The following FARS2 variants were observed in gnomAD, a reference collection of about 807,000 sequenced individuals.
FARS2 encodes the protein phenylalanyl-tRNA synthetase 2, mitochondrial.
A neutral mutation model predicts 46.4 loss-of-function variants in FARS2; 40 were observed. That is an observed-to-expected ratio of 0.86 (90% CI 0.67 to 1.12). The LOEUF (loss-of-function observed/expected upper bound fraction) is 1.12, where lower values mean the gene tolerates loss of function less well. Ranked by LOEUF, FARS2 falls within the 50% of genes most tolerant of loss-of-function variation. The pLI, the probability that FARS2 is intolerant of heterozygous loss-of-function variation, is 0.00. For missense variants in FARS2, 513 were observed against 567.9 expected (o/e 0.90, Z 0.98); for synonymous variants, 234 against 214.9 (o/e 1.09, Z -0.78).
chr6:5,477,299 G>A (rs1766180483), intron 4 of FARS2, among the ~76,000 whole-genome samples: 1 of 152,204 alleles, frequency 6.6e-6, no homozygotes, highest in Admixed American at 6.5e-5. Context: ...TTTCTGAGCA[G>A]TGTCTCAGCT....
At chr6:5,670,589 A>G (rs1023924236) in intron 6 of FARS2, among the ~76,000 whole-genome samples, 5 of 152,216 alleles carry the variant, frequency 3.3e-5, no homozygotes, top group African/African-American at 4.8e-5. Context: ...TTTATAAGGA[A>G]TGGCATTTTG....
intron 1 of FARS2, among the ~76,000 whole-genome samples, chr6:5,279,057 G>A (rs1305608882): frequency 6.6e-6 from 1 of 152,102 alleles, no homozygotes; most frequent in African/African-American, 2.4e-5. Context: ...GGTGTGCTGT[G>A]ATGAACACAG....
intron 5 of FARS2, among the ~76,000 whole-genome samples, chr6:5,606,265 G>A (rs1774828426): frequency 6.6e-6 from 1 of 151,948 alleles, no homozygotes; most frequent in Admixed American, 6.6e-5. Flanking sequence ...TGGGGATAAA[G>A]CTACACCGCT....
chr6:5,342,110 A>G (rs920937084), intron 1 of FARS2, among the ~76,000 whole-genome samples: 2 of 152,206 alleles, frequency 1.3e-5, no homozygotes, highest in Non-Finnish European at 2.9e-5. Flanking sequence ...TAAAGTTTAT[A>G]ATGCTAGCTA....
chr6:5,287,548 C>G (rs1767210529), intron 1 of FARS2, among the ~76,000 whole-genome samples: 1 of 152,188 alleles, frequency 6.6e-6, no homozygotes, highest in African/African-American at 2.4e-5. Flanking sequence ...TGGTGCGAGC[C>G]CAATGAGGGG....
At chr6:5,574,091 C>T (rs939838929) in intron 5 of FARS2, among the ~76,000 whole-genome samples, 2 of 152,164 alleles carry the variant, frequency 1.3e-5, no homozygotes, top group Non-Finnish European at 2.9e-5. Context: ...ATTGCATGTG[C>T]TTCTCAACTA....
chr6:5,485,826 T>G (rs978686772), intron 4 of FARS2, among the ~76,000 whole-genome samples: 3 of 152,200 alleles, frequency 2.0e-5, no homozygotes, highest in African/African-American at 7.2e-5. Flanking sequence ...TGAATTAGAA[T>G]TCGGTACCAC....
chr6:5,330,259 T>G (rs547289734), intron 1 of FARS2, among the ~76,000 whole-genome samples: 1 of 152,360 alleles, frequency 6.6e-6, no homozygotes, highest in Non-Finnish European at 1.5e-5. Flanking sequence ...TATTATTATA[T>G]CAGAGTGTAG....
At chr6:5,674,431 A>G (rs1778650716) in intron 6 of FARS2, among the ~76,000 whole-genome samples, 1 of 152,162 alleles carries the variant, frequency 6.6e-6, no homozygotes, top group African/African-American at 2.4e-5. Flanking sequence ...GGTCAGATGT[A>G]GGTTCCAGCT....
intron 5 of FARS2, among the ~76,000 whole-genome samples, chr6:5,599,757 C>T (rs1774404128): frequency 6.6e-6 from 1 of 152,176 alleles, no homozygotes; most frequent in South Asian, 2.1e-4. Context: ...TATAAAATAC[C>T]TGGCCAGATG....
At chr6:5,315,761 T>TCTTTCTTTCTTTCTTCCTTTC (rs1561952069) in intron 1 of FARS2, among the ~76,000 whole-genome samples, 1 of 132,708 alleles carries the variant, frequency 7.5e-6, no homozygotes, top group Admixed American at 7.3e-5. Flanking sequence ...TTTCTTTCTT[T>TCTTTCTTTCTTTCTTCCTTTC]TTTTTGGGGA....
intron 1 of FARS2, among the ~76,000 whole-genome samples, chr6:5,273,053 C>T (rs1766075280): frequency 1.3e-5 from 2 of 152,164 alleles, no homozygotes; most frequent in Admixed American, 6.5e-5. Context: ...GTCCTTTCAT[C>T]CCTTGATGTA....
intron 2 of FARS2, among the ~76,000 whole-genome samples, chr6:5,383,025 G>A (rs1021804226): frequency 1.4e-4 from 22 of 152,202 alleles, no homozygotes; most frequent in African/African-American, 5.1e-4. Flanking sequence ...GCCTGTTCAA[G>A]TATTAATCTA....
chr6:5,532,874 A>G (rs1165172508), intron 4 of FARS2, among the ~76,000 whole-genome samples: 1 of 152,234 alleles, frequency 6.6e-6, no homozygotes, highest in Non-Finnish European at 1.5e-5. Context: ...ATGCGAGTTC[A>G]TTAAATTGAA....
At position 5,409,949 on chromosome 6, in the gene FARS2, CAG is replaced by C. The variant is rs1242645531; in HGVS notation, c.772+5249_772+5250del. Among the ~76,000 whole-genome samples, 8 of 152,224 alleles carry C rather than the reference CAG, an allele frequency of 5.3e-5. No individual in the cohort carries two copies. The East Asian group carries it at 5.8e-4, about 11-fold the overall frequency. On this transcript the variant is annotated intron_variant, in intron 3 of 6. Transcript: ENST00000274680. ...TTGTGACGTCCGCTGTATTGCCTCTCAGGGGAGATGTGAAGTGAAGTGGGAAG... is the reference window on the plus strand; with the variant it reads ...TTGTGACGTCCGCTGTATTGCCTCTCGGGAGATGTGAAGTGAAGTGGGAAG...
At chr6:5,654,833 C>T (rs994717238) in intron 6 of FARS2, among the ~76,000 whole-genome samples, 5 of 152,172 alleles carry the variant, frequency 3.3e-5, no homozygotes, top group Admixed American at 6.5e-5. Context: ...AGACCAACCT[C>T]TCCTCTTCCT....
chr6:5,527,589 T>C (rs764293876), intron 4 of FARS2, among the ~76,000 whole-genome samples: 3 of 152,222 alleles, frequency 2.0e-5, no homozygotes, highest in Non-Finnish European at 4.4e-5. Context: ...AACTGATATA[T>C]GAAGAATGCA....
rs1770885830 is a variant in FARS2, at chr6:5,545,181, T to G, written c.906T>G (p.Ala302=). Residue 302 remains alanine (A), a splice_region_variant and synonymous_variant, in exon 5 of 7, where the codon GCT becomes GCG. Transcript: ENST00000274680. ...GVMEQQLVNS[A]GAQDRIGWAF... is the part of the protein sequence containing the mutation. ...AACTATTTTGTTTCCTAATCACAGCTGGTGCTCAAGACCGAATCGGCTGGG... is the reference window on the plus strand; with the variant it reads ...AACTATTTTGTTTCCTAATCACAGCGGGTGCTCAAGACCGAATCGGCTGGG... 1.9e-6 allele frequency: 3 copies of G among 1,613,694 alleles called. No individual in the cohort carries two copies. In the South Asian group the frequency reaches 3.3e-5, roughly 18 times the overall value.
At chr6:5,584,932 T>G (rs1773533786) in intron 5 of FARS2, among the ~76,000 whole-genome samples, 1 of 152,164 alleles carries the variant, frequency 6.6e-6, no homozygotes, top group Admixed American at 6.5e-5. Context: ...AGAATAAGAA[T>G]TAGATTACAC....
Sources: allele counts gnomAD v4.1 joint callset (sites outside exome capture counted in the v4.1 genomes callset), GRCh38; gene constraint gnomAD v4.1.1; transcripts MANE v1.5; gene names NCBI Gene and HGNC (gene_info 2026-07-23, HGNC 2026-07-21).